The following SUGT1 variants were observed in gnomAD, a reference collection of about 807,000 sequenced individuals.
SUGT1 encodes the protein protein SGT1 homolog.
In SUGT1, 15 loss-of-function variants were observed where a neutral mutation model predicts 56.1. The observed-to-expected ratio is 0.27, with a 90% CI of 0.18 to 0.41. SUGT1 has a LOEUF of 0.41. Among genes scored for constraint, SUGT1 ranks in the 10% least tolerant of loss-of-function variants. The probability of loss-of-function intolerance (pLI) is 1.00; values close to 1 mark genes in which losing one functional copy is unlikely to be tolerated. For missense variants in SUGT1, 347 were observed against 382.2 expected (o/e 0.91, Z 0.77); for synonymous variants, 123 against 128.6 (o/e 0.96, Z 0.30).
At position 52,696,489 on chromosome 13, in the gene SUGT1, A is replaced by G. The variant is rs1963936504; in HGVS notation, c.*8654A>G. 5 of 152,226 alleles carry G rather than the reference A, an allele frequency of 3.3e-5. No homozygotes were observed. The South Asian group carries it at 1.0e-3, about 32-fold the overall frequency. 9.4% of individuals were successfully genotyped at this position (152,226 alleles called of 1,614,324 possible). ...TACTTAAGCTTTGGATCTTTGATAC[A>G]TAGCGTAGTGCCTTTCACATAGTAT... On this transcript the variant is annotated 3_prime_UTR_variant, in exon 13 of 13. Coordinates refer to ENST00000310528, the MANE Select transcript of SUGT1 (RefSeq NM_006704.5).
chr13:52,657,979 TG>T, intron 3 of SUGT1: 1 of 700,422 alleles, frequency 1.4e-6, no homozygotes, highest in Non-Finnish European at 1.9e-6. Flanking sequence ...CCCAACACTT[TG>T]GGAGACCAAA....
rs1963978473 is a variant in SUGT1, at chr13:52,697,743, A to G, written c.*9908A>G. On this transcript the variant is annotated 3_prime_UTR_variant, in exon 13 of 13. Transcript: ENST00000310528. ...TTTAAGGTATGTAGTAGAATAATAT[A>G]GGTATCTGAAAAAGAACTTGGTTCA... is the stretch of plus-strand genomic sequence containing the variant. The G allele has an allele frequency of 6.6e-6, 1 of 152,224 alleles. No individual in the cohort carries two copies. The highest frequency in any genetic ancestry group is 2.4e-5 in the African/African-American group (1 of 41,456). The allele number at this position is 152,224 out of a possible 1,614,324, so 9.4% of individuals were successfully genotyped here.
In SUGT1 at chr13:52,700,355, T is replaced by C. The variant is rs1258490950; in HGVS notation, c.*12520T>C. 1 of 152,198 alleles carries C rather than the reference T, an allele frequency of 6.6e-6. No individual in the cohort carries two copies. The highest frequency in any genetic ancestry group is 1.9e-4 in the East Asian group (1 of 5,204). The allele number at this position is 152,198 out of a possible 1,614,324, so 9.4% of individuals were successfully genotyped here. On this transcript the variant is annotated 3_prime_UTR_variant, in exon 13 of 13. Transcript: ENST00000310528. The stretch of plus-strand genomic sequence containing the variant: ...CTGCATAAAAGTATTTATGTATAGA[T>C]GTACTTACCTTACACAGTAAGTACC...
chr13:52,686,761 C>T (rs911859717), intron 12 of SUGT1, among the ~76,000 whole-genome samples: 1 of 152,022 alleles, frequency 6.6e-6, no homozygotes, highest in Admixed American at 6.6e-5. Context: ...TGATTTTTAT[C>T]ATGTTAAAAT....
intron 5 of SUGT1, 106 bp from the exon 6 acceptor site, chr13:52,662,543 C>CTTA: frequency 9.2e-7 from 1 of 1,091,282 alleles, no homozygotes. Context: ...CTGCCGACTC[C>CTTA]CCAGTGCCTA....
Position 52,676,310 on chromosome 13 carries a change from A to G in SUGT1, c.708A>G (p.Gln236=), listed in dbSNP as rs370482693. Residue 236 remains glutamine, a synonymous_variant, in exon 11 of 13, where the codon CAA becomes CAG. Coordinates refer to ENST00000310528, the MANE Select transcript of SUGT1 (RefSeq NM_006704.5). ...AAGGAGATGTGCCTACGCCAAAACA[A>G]TTCGTAGCAGGTTTGTTTTCTGGCC... ...EGQGDVPTPK[Q]FVADVKNLYP... is the part of the protein sequence containing the mutation. The G allele has an allele frequency of 2.5e-6, 4 of 1,611,782 alleles. No homozygotes were observed. Among genetic ancestry groups the G allele is most frequent in the Admixed American group, 3.4e-5 (2 of 59,620 alleles).
chr13:52,668,303 G>A (rs1192921812), intron 10 of SUGT1, among the ~76,000 whole-genome samples: 2 of 151,996 alleles, frequency 1.3e-5, no homozygotes, highest in African/African-American at 2.4e-5. Flanking sequence ...TTTATACATA[G>A]GTCCTGCAGC....
chr13:52,676,411 T>A, intron 11 of SUGT1, 91 bp downstream of exon 11: 1 of 1,080,144 alleles, frequency 9.3e-7, no homozygotes, highest in South Asian at 1.9e-5. Flanking sequence ...ACTTTCATTA[T>A]TTATGTTCTC....
chr13:52,681,969 A>G (rs1190721156), intron 12 of SUGT1, among the ~76,000 whole-genome samples: 2 of 124,996 alleles, frequency 1.6e-5, no homozygotes, highest in Non-Finnish European at 3.1e-5. Flanking sequence ...AAATCTGGCA[A>G]TCTTTGTCAG....
intron 2 of SUGT1, among the ~76,000 whole-genome samples, chr13:52,655,976 C>G (rs1274761846): frequency 2.0e-5 from 3 of 152,046 alleles, no homozygotes; most frequent in Non-Finnish European, 1.5e-5. Flanking sequence ...CCAAGGAGAA[C>G]ATTAGTTTTT....
At chr13:52,676,376 TTAAA>T in intron 11 of SUGT1, 56 bp downstream of exon 11, 2 of 1,385,362 alleles carry the variant, frequency 1.4e-6, no homozygotes, top group South Asian at 2.7e-5. Context: ...GTAATTGAAA[TTAAA>T]TAGTAATGAA....
intron 11 of SUGT1, among the ~76,000 whole-genome samples, chr13:52,677,371 C>T (rs1356413070): frequency 6.6e-6 from 1 of 152,078 alleles, no homozygotes; most frequent in Admixed American, 6.6e-5. Flanking sequence ...GTATTAACAC[C>T]AACAGATACT....
intron 11 of SUGT1, among the ~76,000 whole-genome samples, chr13:52,678,047 G>A (rs1388619294): frequency 6.6e-6 from 1 of 152,148 alleles, no homozygotes; most frequent in African/African-American, 2.4e-5. Context: ...ATAAGGGCAA[G>A]TCACTTAACC....
intron 10 of SUGT1, among the ~76,000 whole-genome samples, chr13:52,669,516 A>G (rs943709663): frequency 2.9e-4 from 44 of 152,320 alleles, no homozygotes; most frequent in African/African-American, 1.1e-3. Flanking sequence ...ACTTTCCCCA[A>G]GTTTACCTAG....
chr13:52,653,016 G>C, intron 1 of SUGT1, 30 bp from the exon 2 acceptor site: 1 of 1,614,160 alleles, frequency 6.2e-7, no homozygotes, highest in Non-Finnish European at 8.5e-7. Flanking sequence ...TGGCTAGTGA[G>C]CCCTGCTGAA....
At chr13:52,660,080 C>T (rs1403533523) in intron 5 of SUGT1, among the ~76,000 whole-genome samples, 9 of 151,626 alleles carry the variant, frequency 5.9e-5, no homozygotes, top group African/African-American at 2.2e-4. Context: ...CCACCCTCCT[C>T]GGCCTCCCAA....
intron 4 of SUGT1, 40 bp downstream of exon 4, chr13:52,658,508 T>C (rs1962270892): frequency 6.4e-7 from 1 of 1,565,402 alleles, no homozygotes; most frequent in African/African-American, 1.4e-5. Context: ...TTGGTATAGA[T>C]AGTAGGTATT....
At chr13:52,653,482 A>T (rs1247855870) in intron 2 of SUGT1, among the ~76,000 whole-genome samples, 1 of 152,138 alleles carries the variant, frequency 6.6e-6, no homozygotes, top group Non-Finnish European at 1.5e-5. Flanking sequence ...ATTCTTACGT[A>T]AAAGTGTCGG....
intron 4 of SUGT1, 73 bp from the exon 5 acceptor site, chr13:52,659,106 G>A: frequency 7.9e-7 from 1 of 1,262,070 alleles, no homozygotes; most frequent in Non-Finnish European, 1.1e-6. Context: ...AAAATACTAA[G>A]TTTTTTATTT....
Sources: allele counts gnomAD v4.1 joint callset (sites outside exome capture counted in the v4.1 genomes callset), GRCh38; gene constraint gnomAD v4.1.1; transcripts MANE v1.5; gene names NCBI Gene and HGNC (gene_info 2026-07-23, HGNC 2026-07-21).